The following SLC27A1 variants were observed in gnomAD, a reference collection of about 807,000 sequenced individuals.
SLC27A1 encodes the protein long-chain fatty acid transport protein 1.
Under a neutral mutation model 62.2 loss-of-function variants are expected in SLC27A1, and 61 were observed. The observed-to-expected ratio is 0.98, with a 90% CI of 0.80 to 1.21. The LOEUF (loss-of-function observed/expected upper bound fraction) is 1.21. Among genes scored for constraint, SLC27A1 ranks in the 50% most tolerant of loss-of-function variants. SLC27A1 has a pLI of 0.00. For synonymous variants in SLC27A1, 435 were observed against 408.6 expected, an observed-to-expected ratio of 1.06 and a Z score of -0.78; for missense variants, 903 against 932.1, an observed-to-expected ratio of 0.97 and a Z score of 0.41.
At chr19:17,474,130 G>A (rs2075101176) in intron 1 of SLC27A1, among the ~76,000 whole-genome samples, 1 of 152,056 alleles carries the variant, frequency 6.6e-6, no homozygotes, top group South Asian at 2.1e-4. Context: ...TTTTTATAAA[G>A]GAGAGGTCTC....
chr19:17,494,087 T>C (rs1422522614), intron 6 of SLC27A1, among the ~76,000 whole-genome samples: 3 of 150,458 alleles, frequency 2.0e-5, no homozygotes, highest in Admixed American at 1.3e-4. Flanking sequence ...GGCGCAATCT[T>C]GGCTCACTGC....
chr19:17,478,754 G>A (rs1292289876), intron 1 of SLC27A1, among the ~76,000 whole-genome samples: 1 of 152,080 alleles, frequency 6.6e-6, no homozygotes, highest in Non-Finnish European at 1.5e-5. Flanking sequence ...CTACTCAGGG[G>A]GCTGAGGTGG....
chr19:17,504,729 G>C lies in SLC27A1; in HGVS notation c.*117G>C. The C allele has an allele frequency of 7.4e-7, 1 of 1,349,782 alleles. No individual in the cohort carries two copies. The highest frequency in any genetic ancestry group is 1.0e-6 in the Non-Finnish European group (1 of 969,510). The allele number at this position is 1,349,782 out of a possible 1,614,324, so 83.6% of individuals were successfully genotyped here. A position where few individuals can be genotyped will look rare whatever the true frequency, so the allele number is the denominator to read the frequency against. On this transcript the variant is annotated 3_prime_UTR_variant, in exon 12 of 12. Coordinates refer to ENST00000252595, the MANE Select transcript of SLC27A1 (RefSeq NM_198580.3). ...CACCCACCTGGCCGAGCTGTACCTGGCACGGCCCATCCTGGACTGAGAAAC... is the reference window on the plus strand; with the variant it reads ...CACCCACCTGGCCGAGCTGTACCTGCCACGGCCCATCCTGGACTGAGAAAC...
At chr19:17,469,394 G>A (rs1203547054), upstream of SLC27A1, among the ~76,000 whole-genome samples, 2 of 151,996 alleles carry the variant, frequency 1.3e-5, no homozygotes. Context: ...CAGCCCGCGC[G>A]GGCCGTGGGT....
At chr19:17,480,541 CT>C (rs3079223) in intron 1 of SLC27A1, among the ~76,000 whole-genome samples, 7 of 111,816 alleles carry the variant, frequency 6.3e-5, no homozygotes, top group East Asian at 2.4e-4. Context: ...TAATTTTTTT[CT>C]TTTTTTTTTT....
chr19:17,481,202 G>A (rs2075174572), intron 1 of SLC27A1, among the ~76,000 whole-genome samples: 1 of 152,080 alleles, frequency 6.6e-6, no homozygotes, highest in African/African-American at 2.4e-5. Context: ...TGGGATTACA[G>A]GCGTGAGCCA....
chr19:17,492,948 AAAAG>A (rs2075309138), intron 6 of SLC27A1, among the ~76,000 whole-genome samples: 1 of 151,718 alleles, frequency 6.6e-6, no homozygotes, highest in East Asian at 2.0e-4. Context: ...CTTAAAAAAA[AAAAG>A]AAAGAAATAG....
At chr19:17,500,245 CG>C in intron 7 of SLC27A1, 32 bp from the exon 8 acceptor site, 1 of 1,606,272 alleles carries the variant, frequency 6.2e-7, no homozygotes, top group Non-Finnish European at 8.5e-7. Flanking sequence ...CGCATATCCC[CG>C]GCTCCTTCCA....
chr19:17,468,979 TGG>T (rs2075048531), upstream of SLC27A1: 1 of 152,444 alleles, frequency 6.6e-6, no homozygotes, highest in South Asian at 2.1e-4. Context: ...CCTGAGCTTC[TGG>T]GAGACTGAAG....
intron 1 of SLC27A1, among the ~76,000 whole-genome samples, chr19:17,482,376 G>T (rs2075187168): frequency 6.6e-6 from 1 of 152,152 alleles, no homozygotes; most frequent in Non-Finnish European, 1.5e-5. Flanking sequence ...AAAATGGCCA[G>T]GTGTGGTGGC....
At chr19:17,477,185 A>G (rs1205096630) in intron 1 of SLC27A1, among the ~76,000 whole-genome samples, 4 of 143,386 alleles carry the variant, frequency 2.8e-5, no homozygotes, top group Non-Finnish European at 6.1e-5. Flanking sequence ...TACTATGTCT[A>G]GCTGAGAATG....
Position 17,487,463 on chromosome 19 carries a change from G to T in SLC27A1, c.728G>T (p.Arg243Leu). 6.3e-7 allele frequency: 1 copy of T among 1,597,726 alleles called. No homozygotes were observed. Among genetic ancestry groups the T allele is most frequent in the Non-Finnish European group, 8.5e-7 (1 of 1,178,300 alleles). The change falls in exon 4 of 12, where the codon CGT (arginine) becomes CTT (leucine). Residue 243 changes from arginine (R) to leucine (L), a missense_variant. Physicochemically the swap from Arg to Leu is moderately radical, Grantham distance 102. Transcript: ENST00000252595. ...AQIPSKGMDDRLFYIYTSGTT... is the reference protein window; with the variant it reads ...AQIPSKGMDDLLFYIYTSGTT... ...CTAACACCTGTATCTCCTGCAGATC[G>T]TCTTTTCTACATCTACACGTCGGGG...
chr19:17,487,511 C>T lies in SLC27A1; in HGVS notation c.776C>T (p.Ala259Val). ...GGGACCACCGGGCTGCCCAAGGCTGCCATTGTCGTGCACAGCAGGTGAGGG... is the reference window on the plus strand; with the variant it reads ...GGGACCACCGGGCTGCCCAAGGCTGTCATTGTCGTGCACAGCAGGTGAGGG... ...TSGTTGLPKAAIVVHSRYYRM... is the reference protein window; with the variant it reads ...TSGTTGLPKAVIVVHSRYYRM... Residue 259 changes from alanine (A) to valine (V), a missense_variant, in exon 4 of 12, where the codon GCC becomes GTC. Coordinates refer to ENST00000252595, the MANE Select transcript of SLC27A1 (RefSeq NM_198580.3). 1 of 1,611,600 alleles carries T rather than the reference C, an allele frequency of 6.2e-7. No individual in the cohort carries two copies. Among genetic ancestry groups the T allele is most frequent in the Middle Eastern group, 2.1e-4 (1 of 4,872 alleles).
At chr19:17,481,427 C>G (rs1016060782) in intron 1 of SLC27A1, among the ~76,000 whole-genome samples, 1 of 151,762 alleles carries the variant, frequency 6.6e-6, no homozygotes, top group Non-Finnish European at 1.5e-5. Context: ...AGTGATTCTC[C>G]TGCCTCAGCC....
intron 1 of SLC27A1, among the ~76,000 whole-genome samples, chr19:17,482,247 A>G (rs11673532): frequency 0.85 from 129,071 of 152,130 alleles, 55,691 homozygotes; most frequent in Non-Finnish European, 0.92. Flanking sequence ...CGCCGGGCGC[A>G]GTGGCTAACG....
In SLC27A1 at chr19:17,470,642, G is replaced by GT. The variant is rs1568407304; in HGVS notation, c.103dup (p.Tyr35LeufsTer143). 2 of 1,581,662 alleles carry GT rather than the reference G, an allele frequency of 1.3e-6. No individual in the cohort carries two copies. Among genetic ancestry groups the GT allele is most frequent in the South Asian group, 2.3e-5 (2 of 88,232 alleles). On this transcript the variant is annotated frameshift_variant, in exon 1 of 12. Coordinates refer to ENST00000252595, the MANE Select transcript of SLC27A1 (RefSeq NM_198580.3). LOFTEE classifies it high-confidence loss of function. The stretch of plus-strand genomic sequence containing the variant: ...GGAGCGCGGCAGCGGCGCTCGGCGT[G>GT]TACGTGGGCAGCGGCGGCTGGCGCT...
chr19:17,487,266 C>T lies in SLC27A1; in HGVS notation c.655C>T (p.Leu219Phe), dbSNP rs1009008449. Reference sequence around the variant, plus strand: ...CGAGGGCATCTTGCCGGACACCCACCTCCTGGACCCGCTGCTGAAGGAGGC... The same window carrying T: ...CGAGGGCATCTTGCCGGACACCCACTTCCTGGACCCGCTGCTGAAGGAGGC... ...GPEGILPDTH[L>F]LDPLLKEAST... Residue 219 changes from leucine (L) to phenylalanine (F), a missense_variant, in exon 3 of 12, where the codon CTC (leucine) becomes TTC (phenylalanine). By Grantham distance (22) the Leu-to-Phe change is conservative (BLOSUM62 0). Transcript: ENST00000252595. 6.2e-7 allele frequency: 1 copy of T among 1,613,972 alleles called. No homozygotes were observed. The highest frequency in any genetic ancestry group is 1.7e-5 in the Admixed American group (1 of 59,992).
intron 11 of SLC27A1, among the ~76,000 whole-genome samples, chr19:17,503,823 T>C (rs554393975): frequency 5.4e-5 from 8 of 148,904 alleles, no homozygotes; most frequent in African/African-American, 2.0e-4. Flanking sequence ...TCCCAGCTAC[T>C]TGGGAGGCTG....
At chr19:17,481,684 G>T (rs1721481066) in intron 1 of SLC27A1, among the ~76,000 whole-genome samples, 1 of 151,990 alleles carries the variant, frequency 6.6e-6, no homozygotes, top group South Asian at 2.1e-4. Flanking sequence ...TGTATTTTTA[G>T]TAGAGCTGGG....
Sources: gnomAD v4.1 joint callset for allele counts (sites outside exome capture counted in the v4.1 genomes callset) on GRCh38, gnomAD v4.1.1 for gene constraint, MANE v1.5 for transcripts, NCBI Gene and HGNC (gene_info 2026-07-23, HGNC 2026-07-21) for gene names.